The following BMAL1 variants were observed in gnomAD, a reference collection of about 807,000 sequenced individuals.
The protein encoded by BMAL1 is basic helix-loop-helix ARNT like 1.
the BMAL1 span, among the ~76,000 whole-genome samples, chr11:13,278,234 G>A: frequency 6.6e-6 from 1 of 152,238 alleles, no homozygotes; most frequent in Non-Finnish European, 1.5e-5. Flanking sequence ...CCGGGAAAGT[G>A]TTCGCTGGAG....
At chr11:13,304,275 G>T in the BMAL1 span, among the ~76,000 whole-genome samples, 1 of 152,180 alleles carries the variant, frequency 6.6e-6, no homozygotes, top group Non-Finnish European at 1.5e-5. Context: ...CCTGAGCCGG[G>T]GTGGTAGAGG....
At chr11:13,358,348 AAC>A in the BMAL1 span, 2 of 1,352,736 alleles carry the variant, frequency 1.5e-6, no homozygotes, top group Non-Finnish European at 1.9e-6. Context: ...GAACATTGAA[AAC>A]AGTTACAACT....
At chr11:13,332,417 T>C in the BMAL1 span, among the ~76,000 whole-genome samples, 2 of 152,304 alleles carry the variant, frequency 1.3e-5, no homozygotes, top group Admixed American at 1.3e-4. Flanking sequence ...GTTCTCAGAG[T>C]TGAGAACATA....
chr11:13,301,226 C>T, the BMAL1 span, among the ~76,000 whole-genome samples: 2 of 152,168 alleles, frequency 1.3e-5, no homozygotes, highest in African/African-American at 2.4e-5. Context: ...TGAGCCACTG[C>T]GCCTGGTCTG....
At chr11:13,310,911 A>C in the BMAL1 span, among the ~76,000 whole-genome samples, 4 of 152,270 alleles carry the variant, frequency 2.6e-5, no homozygotes, top group Non-Finnish European at 5.9e-5. Context: ...TTTGGAAGGC[A>C]GCAGCAGTCA....
the BMAL1 span, among the ~76,000 whole-genome samples, chr11:13,328,151 A>G: frequency 6.6e-6 from 1 of 152,224 alleles, no homozygotes; most frequent in Non-Finnish European, 1.5e-5. Context: ...CATGGCCTGC[A>G]TCTAGAGGAT....
At chr11:13,325,247 C>T in the BMAL1 span, among the ~76,000 whole-genome samples, 3 of 152,132 alleles carry the variant, frequency 2.0e-5, no homozygotes, top group Admixed American at 6.5e-5. Context: ...TCTGCTGCTC[C>T]GCAGCCTCCC....
chr11:13,311,852 CT>C, the BMAL1 span, among the ~76,000 whole-genome samples: 1 of 152,134 alleles, frequency 6.6e-6, no homozygotes, highest in Non-Finnish European at 1.5e-5. Flanking sequence ...AAGATGTGAT[CT>C]GTTGGGGAAG....
the BMAL1 span, among the ~76,000 whole-genome samples, chr11:13,371,450 T>G: frequency 1.3e-5 from 2 of 152,224 alleles, no homozygotes; most frequent in Non-Finnish European, 2.9e-5. Context: ...TCATCTTCAC[T>G]GCACTGCCAT....
At chr11:13,357,173 G>A in the BMAL1 span, 1 of 1,586,234 alleles carries the variant, frequency 6.3e-7, no homozygotes, top group East Asian at 2.3e-5. This position sits in a 1 kb window ranked among gnomAD's most constrained non-coding sequence, Gnocchi z 4.8. Context: ...GGCTCTGCAT[G>A]TTTGGTCCTG....
At chr11:13,339,344 C>G in the BMAL1 span, among the ~76,000 whole-genome samples, 1 of 152,070 alleles carries the variant, frequency 6.6e-6, no homozygotes, top group African/African-American at 2.4e-5. Context: ...CTCATCACCC[C>G]CACACCTAAT....
the BMAL1 span, among the ~76,000 whole-genome samples, chr11:13,326,738 T>C: frequency 2.0e-5 from 3 of 151,520 alleles, no homozygotes; most frequent in Admixed American, 6.6e-5. Context: ...TATATATATA[T>C]ATCTTCTATA....
At chr11:13,363,526 C>A in the BMAL1 span, among the ~76,000 whole-genome samples, 3 of 152,254 alleles carry the variant, frequency 2.0e-5, no homozygotes, top group East Asian at 5.8e-4. Context: ...CACAGAAAGC[C>A]AGGTCTACTC....
At chr11:13,354,124 A>G in the BMAL1 span, among the ~76,000 whole-genome samples, 1 of 152,120 alleles carries the variant, frequency 6.6e-6, no homozygotes, top group Non-Finnish European at 1.5e-5. Context: ...CCATTCTATC[A>G]CATGCCTGTT....
At chr11:13,287,793 T>A in the BMAL1 span, among the ~76,000 whole-genome samples, 1 of 152,234 alleles carries the variant, frequency 6.6e-6, no homozygotes, top group African/African-American at 2.4e-5. Context: ...AATCTATAGC[T>A]GAGCCACATT....
chr11:13,374,838 C>G, the BMAL1 span, among the ~76,000 whole-genome samples: 48 of 152,334 alleles, frequency 3.2e-4, no homozygotes, highest in African/African-American at 1.0e-3. Flanking sequence ...GCTTTAGACT[C>G]AAGCCCAAAT....
At chr11:13,372,515 G>A in the BMAL1 span, 2 of 1,509,344 alleles carry the variant, frequency 1.3e-6, no homozygotes, top group Non-Finnish European at 8.9e-7. Flanking sequence ...TAAGAATGAA[G>A]AAAGAAAGAA....
At chr11:13,365,158 G>T in the BMAL1 span, among the ~76,000 whole-genome samples, 4 of 152,080 alleles carry the variant, frequency 2.6e-5, no homozygotes, top group African/African-American at 9.7e-5. Flanking sequence ...TATTATTAGA[G>T]CAATGAAATA....
the BMAL1 span, among the ~76,000 whole-genome samples, chr11:13,333,076 C>T: frequency 6.6e-6 from 1 of 151,746 alleles, no homozygotes; most frequent in Non-Finnish European, 1.5e-5. Flanking sequence ...AAGTGATTCT[C>T]CTGCCTCAGT....
Sources: gnomAD v4.1 joint callset for allele counts (sites outside exome capture counted in the v4.1 genomes callset) on GRCh38, gnomAD v4.1.1 for gene constraint, Gnocchi (gnomAD v3.1) non-coding constraint, MANE v1.5 for transcripts, NCBI Gene and HGNC (gene_info 2026-07-23, HGNC 2026-07-21) for gene names.